Variants in PTPRD observed in about 807,000 individuals in gnomAD.
The protein encoded by PTPRD is receptor-type tyrosine-protein phosphatase delta.
A neutral mutation model predicts 214.5 loss-of-function variants in PTPRD; 34 were observed. That is an observed-to-expected ratio of 0.16 (90% CI 0.12 to 0.21). PTPRD has a LOEUF of 0.21. Among genes scored for constraint, PTPRD ranks in the 10% least tolerant of loss-of-function variants. The pLI is 1.00. For synonymous variants in PTPRD, 1,128 were observed against 845.7 expected (o/e 1.33, Z -5.79); for missense variants, 2,545 against 2,398.7 (o/e 1.06, Z -1.27).
chr9:9,112,762 A>T (rs2099807864), intron 10 of PTPRD, among the ~76,000 whole-genome samples: 1 of 152,160 alleles, frequency 6.6e-6, no homozygotes, highest in Non-Finnish European at 1.5e-5. Flanking sequence ...AATTATGGGA[A>T]ATCAGGGTTC....
chr9:8,406,847 C>T (rs1410875898), intron 35 of PTPRD, among the ~76,000 whole-genome samples: 3 of 152,162 alleles, frequency 2.0e-5, no homozygotes, highest in Admixed American at 6.6e-5. Flanking sequence ...CCACTTTATA[C>T]TGATGAACAT....
At chr9:10,051,870 T>G (rs1188217753) in intron 3 of PTPRD, among the ~76,000 whole-genome samples, 2 of 152,208 alleles carry the variant, frequency 1.3e-5, no homozygotes, top group African/African-American at 4.8e-5. Flanking sequence ...AAATTTAATT[T>G]TCAAATTCAC....
intron 4 of PTPRD, among the ~76,000 whole-genome samples, chr9:10,009,481 A>T (rs551390794): frequency 6.6e-6 from 1 of 152,118 alleles, no homozygotes; most frequent in East Asian, 1.9e-4. Flanking sequence ...TGGTTGAAAG[A>T]GTTAAGTAAT....
chr9:8,733,645 G>C (rs1222041217), intron 12 of PTPRD, 135 bp downstream of exon 12: 3 of 873,418 alleles, frequency 3.4e-6, no homozygotes, highest in Non-Finnish European at 5.5e-6. Context: ...CTGGCTGGTA[G>C]CCAAGGAGGA....
intron 8 of PTPRD, among the ~76,000 whole-genome samples, chr9:9,465,878 G>T (rs1435940780): frequency 6.6e-6 from 1 of 151,860 alleles, no homozygotes; most frequent in Non-Finnish European, 1.5e-5. Flanking sequence ...ATCTTGGTGG[G>T]TTTCTCCTAA....
intron 12 of PTPRD, among the ~76,000 whole-genome samples, chr9:8,724,263 T>C (rs974643856): frequency 6.6e-6 from 1 of 152,316 alleles, no homozygotes; most frequent in East Asian, 1.9e-4. Context: ...TTAGGTCCCT[T>C]CTTAACATGG....
chr9:10,610,951 C>T (rs1033413092), intron 2 of PTPRD, among the ~76,000 whole-genome samples: 3 of 152,028 alleles, frequency 2.0e-5, no homozygotes, highest in Non-Finnish European at 2.9e-5. Flanking sequence ...AATACAGATG[C>T]TTTTATATAC....
chr9:10,199,643 T>A (rs549446248), intron 3 of PTPRD, among the ~76,000 whole-genome samples: 1 of 152,148 alleles, frequency 6.6e-6, no homozygotes, highest in South Asian at 2.1e-4. Flanking sequence ...CAGATGTGGA[T>A]AATATAATAT....
At chr9:9,529,418 A>G (rs2154262736) in intron 8 of PTPRD, among the ~76,000 whole-genome samples, 1 of 152,318 alleles carries the variant, frequency 6.6e-6, no homozygotes, top group South Asian at 2.1e-4. Context: ...ACTAGTATAC[A>G]GGATCTTATA....
chr9:10,067,645 G>T (rs1347444070), intron 3 of PTPRD, among the ~76,000 whole-genome samples: 1 of 151,798 alleles, frequency 6.6e-6, no homozygotes. Flanking sequence ...AAGGATTACA[G>T]GCAAAGAAGG....
chr9:9,428,357 G>C (rs540487468), intron 8 of PTPRD, among the ~76,000 whole-genome samples: 5 of 152,142 alleles, frequency 3.3e-5, no homozygotes, highest in African/African-American at 4.8e-5. Context: ...AACAAGAAGA[G>C]CTAACTATCC....
intron 9 of PTPRD, among the ~76,000 whole-genome samples, chr9:9,323,612 T>C (rs550800789): frequency 7.8e-4 from 119 of 152,256 alleles, no homozygotes; most frequent in Non-Finnish European, 1.4e-3. Context: ...CTCAAACAAA[T>C]TGGCTTCTTT....
intron 14 of PTPRD, among the ~76,000 whole-genome samples, chr9:8,580,841 T>A (rs762082570): frequency 1.3e-5 from 2 of 152,164 alleles, no homozygotes; most frequent in Non-Finnish European, 2.9e-5. Context: ...TTCGCAATGA[T>A]AGAAATACTG....
rs995868664 is a variant in PTPRD at position 8,739,522 on chromosome 9, T to C, written c.-103-5576A>G. On this transcript the variant is annotated intron_variant, in intron 11 of 45. Transcript: ENST00000381196. ...CCACATGTGGCTAGTGGCTACCCTA[T>C]TGGACAGCACAGACTACAACTACAG... Among the ~76,000 whole-genome samples the C allele has an allele frequency of 5.9e-5, 9 of 152,318 alleles. No individual in the cohort carries two copies. The East Asian group carries it at 7.7e-4, about 13-fold the overall frequency.
chr9:9,778,571 A>C (rs1268363896), intron 5 of PTPRD, among the ~76,000 whole-genome samples: 1 of 152,054 alleles, frequency 6.6e-6, no homozygotes, highest in Non-Finnish European at 1.5e-5. Context: ...TCTGTTTTGT[A>C]AGTCCTGCTG....
chr9:9,617,907 C>G (rs1427460622), intron 7 of PTPRD, among the ~76,000 whole-genome samples: 1 of 151,070 alleles, frequency 6.6e-6, no homozygotes, highest in African/African-American at 2.4e-5. Flanking sequence ...CCTGTCTCTA[C>G]TAAAAATACA....
intron 11 of PTPRD, among the ~76,000 whole-genome samples, chr9:8,985,247 A>G (rs2099334996): frequency 6.6e-6 from 1 of 152,144 alleles, no homozygotes; most frequent in Non-Finnish European, 1.5e-5. Flanking sequence ...GTATGCATTT[A>G]TAAATGTTGT....
At chr9:10,367,161 T>C (rs1487882085) in intron 2 of PTPRD, among the ~76,000 whole-genome samples, 1 of 151,946 alleles carries the variant, frequency 6.6e-6, no homozygotes, top group African/African-American at 2.4e-5. Flanking sequence ...TAGCTATTCC[T>C]TATTGAAAAA....
chr9:10,526,201 A>G (rs1190505929), intron 2 of PTPRD, among the ~76,000 whole-genome samples: 1 of 152,122 alleles, frequency 6.6e-6, no homozygotes, highest in Non-Finnish European at 1.5e-5. Context: ...GAAGAATAAA[A>G]TAGCGCATTT....
Sources: gnomAD v4.1 joint callset for allele counts (sites outside exome capture counted in the v4.1 genomes callset) on GRCh38, gnomAD v4.1.1 for gene constraint, MANE v1.5 for transcripts, NCBI Gene and HGNC (gene_info 2026-07-23, HGNC 2026-07-21) for gene names.